The following CNTRL variants were observed in gnomAD, a reference collection of about 807,000 sequenced individuals.
CNTRL encodes the protein 110 kDa centrosomal protein.
A neutral mutation model predicts 303.7 loss-of-function variants in CNTRL; 233 were observed. The ratio of observed to expected loss-of-function variants is 0.77; its 90% CI spans 0.69 to 0.86. CNTRL has a LOEUF of 0.86. Among genes scored for constraint, CNTRL ranks in the 40% least tolerant of loss-of-function variants. The probability of loss-of-function intolerance (pLI) is 0.00; values close to 1 mark genes in which losing one functional copy is unlikely to be tolerated. For synonymous variants in CNTRL, 900 were observed against 922.2 expected (o/e 0.98, Z 0.44); for missense variants, 2,524 against 2,650.6 (o/e 0.95, Z 1.05).
intron 1 of CNTRL, among the ~76,000 whole-genome samples, chr9:121,075,567 C>T (rs1321637100): frequency 2.6e-5 from 4 of 152,174 alleles, no homozygotes; most frequent in Non-Finnish European, 4.4e-5. Context: ...CCGTTATATT[C>T]GTTAAGGGAC....
chr9:121,128,368 T>A (rs1401010091), intron 14 of CNTRL, among the ~76,000 whole-genome samples: 1 of 152,234 alleles, frequency 6.6e-6, no homozygotes, highest in Non-Finnish European at 1.5e-5. Context: ...CTCATTGTGG[T>A]TTTGATTTGC....
At chr9:121,124,958 A>AG (rs1180686226) in intron 13 of CNTRL, among the ~76,000 whole-genome samples, 1 of 150,360 alleles carries the variant, frequency 6.7e-6, no homozygotes, top group Non-Finnish European at 1.5e-5. Flanking sequence ...AAAAAAAAAA[A>AG]AGAGAGAGAT....
chr9:121,125,764 T>C lies in CNTRL; in HGVS notation c.1853T>C (p.Ile618Thr), dbSNP rs755863709. Reference sequence around the variant, plus strand: ...CTGAAGAAGGATTTAGAAGGTGTTATCAGTGGGTTGCAAGAATACCTGGGG... The same window carrying C: ...CTGAAGAAGGATTTAGAAGGTGTTACCAGTGGGTTGCAAGAATACCTGGGG... ...EALKKDLEGV[I>T]SGLQEYLGTI... The change falls in exon 14 of 44, where the codon ATC (isoleucine) becomes ACC (threonine). Residue 618 changes from isoleucine (I) to threonine (T), a missense_variant. Transcript: ENST00000373855. The C allele has an allele frequency of 3.1e-6, 5 of 1,614,180 alleles. No individual in the cohort carries two copies. The highest frequency in any genetic ancestry group is 2.2e-5 in the South Asian group (2 of 91,086).
chr9:121,114,650 A>G (rs1167422821), intron 10 of CNTRL, among the ~76,000 whole-genome samples: 3 of 152,176 alleles, frequency 2.0e-5, no homozygotes, highest in African/African-American at 4.8e-5. Context: ...AACAGCTGGG[A>G]GAGAGAGCTC....
At chr9:121,157,907 A>T (rs757899522) in intron 29 of CNTRL, 27 bp downstream of exon 29, 2 of 1,613,692 alleles carry the variant, frequency 1.2e-6, no homozygotes, top group African/African-American at 2.7e-5. Flanking sequence ...TAGGGCTACA[A>T]GGGGTTTGTG....
In CNTRL at chr9:121,169,679, G is replaced by C. The variant is rs771868746; in HGVS notation, c.6139G>C (p.Glu2047Gln). Residue 2047 changes from glutamate (E) to glutamine (Q), a missense_variant, in exon 39 of 44, where the codon GAG (glutamate) becomes CAG (glutamine). Coordinates refer to ENST00000373855, the MANE Select transcript of CNTRL (RefSeq NM_007018.6). ...KSGELLALQK[E>Q]ADSMRADFSL... ...AGGTGAGCTGTTGGCCCTCCAGAAA[G>C]AGGCAGATTCTATGAGGGCAGACTT... is the stretch of plus-strand genomic sequence containing the variant. The C allele has an allele frequency of 6.2e-7, 1 of 1,614,196 alleles. No individual in the cohort carries two copies. Among genetic ancestry groups the C allele is most frequent in the Admixed American group, 1.7e-5 (1 of 60,020 alleles).
At chr9:121,091,293 C>G (rs1412858468) in intron 4 of CNTRL, among the ~76,000 whole-genome samples, 1 of 152,164 alleles carries the variant, frequency 6.6e-6, no homozygotes. Flanking sequence ...AGATTTCTAC[C>G]ACGTATTATT....
In CNTRL at chr9:121,107,920, A is replaced by G. The variant is rs1458371655; in HGVS notation, c.927A>G (p.Ser309=). The G allele has an allele frequency of 6.2e-7, 1 of 1,611,258 alleles. No homozygotes were observed. The highest frequency in any genetic ancestry group is 2.2e-5 in the East Asian group (1 of 44,752). Residue 309 remains serine (S), a synonymous_variant, in exon 8 of 44, where the codon TCA becomes TCG. Transcript: ENST00000373855. ...EIKNQDKLNK[S]LKEEAMLQKQ... is the part of the protein sequence containing the mutation. ...AAAATCAAGATAAATTGAATAAATCATTAAAAGAGGAGGCCATGTTACAGA... is the reference window on the plus strand; with the variant it reads ...AAAATCAAGATAAATTGAATAAATCGTTAAAAGAGGAGGCCATGTTACAGA...
rs7857779 is a variant in CNTRL at position 121,129,769 on chromosome 9, G to C, written c.2025+3833G>C. On this transcript the variant is annotated intron_variant, in intron 14 of 43. Coordinates refer to ENST00000373855, the MANE Select transcript of CNTRL (RefSeq NM_007018.6). ...CCATTCAGTATGATATTGGCTGTGG[G>C]TTTGTCATAAATAGCTCTTATTATT... 8.4e-4 allele frequency among the ~76,000 whole-genome samples: 128 copies of C among 152,076 alleles called. 3 individuals carry two copies. The East Asian group carries it at 0.022, about 26-fold the overall frequency.
intron 32 of CNTRL, chr9:121,161,282 G>A: frequency 2.2e-6 from 1 of 444,746 alleles, no homozygotes; most frequent in Non-Finnish European, 4.2e-6. Context: ...GTATTTTCCA[G>A]CTTTTCTACA....
chr9:121,154,810 T>C lies in CNTRL; in HGVS notation c.4262T>C (p.Ile1421Thr). 6.2e-7 allele frequency: 1 copy of C among 1,613,482 alleles called. No individual in the cohort carries two copies. Residue 1421 changes from isoleucine (I) to threonine (T), a missense_variant, in exon 27 of 44, where the codon ATT (isoleucine) becomes ACT (threonine). Ile to Thr is a moderately conservative substitution (Grantham distance 89). Transcript: ENST00000373855. The part of the protein sequence containing the change: ...LKHHEDIVDE[I>T]ECIEKTLLKR... The stretch of plus-strand genomic sequence containing the variant: ...CATCATGAAGATATTGTAGATGAAA[T>C]TGAGTGCATTGAGAAGACTCTTCTG...
chr9:121,117,745 C>T (rs942855823), intron 11 of CNTRL, among the ~76,000 whole-genome samples: 39 of 151,928 alleles, frequency 2.6e-4, no homozygotes, highest in African/African-American at 9.4e-4. Flanking sequence ...TTTGGGAGGC[C>T]GAGACGGGTG....
At chr9:121,076,493 T>C (rs1287136972) in intron 1 of CNTRL, among the ~76,000 whole-genome samples, 1 of 151,790 alleles carries the variant, frequency 6.6e-6, no homozygotes, top group East Asian at 1.9e-4. Flanking sequence ...AGGGGAGTAA[T>C]TGGAGGTCAG....
At chr9:121,144,353 G>A (rs185124588) in intron 20 of CNTRL, among the ~76,000 whole-genome samples, 205 of 152,274 alleles carry the variant, frequency 1.3e-3, no homozygotes, top group Non-Finnish European at 2.2e-3. Context: ...GGATGCTTAG[G>A]GAGGTAGCTG....
intron 27 of CNTRL, among the ~76,000 whole-genome samples, chr9:121,157,225 T>G (rs1049345310): frequency 6.6e-6 from 1 of 152,372 alleles, no homozygotes; most frequent in African/African-American, 2.4e-5. Context: ...TATTCCACTT[T>G]GTTAATGCAT....
Position 121,088,315 on chromosome 9 carries a change from T to C in CNTRL, c.-12T>C. The stretch of plus-strand genomic sequence containing the variant: ...TTACAGGTTTTGATGAACACCTGGC[T>C]TTATTCTTGCAATGAAGAAAGGTTC... On this transcript the variant is annotated 5_prime_UTR_variant, in exon 3 of 44. Transcript: ENST00000373855. 1 of 1,566,480 alleles carries C rather than the reference T, an allele frequency of 6.4e-7. No individual in the cohort carries two copies. Among genetic ancestry groups the C allele is most frequent in the Non-Finnish European group, 8.8e-7 (1 of 1,137,626 alleles).
At position 121,118,398 on chromosome 9, in the gene CNTRL, A is replaced by C; in HGVS notation, c.1508A>C (p.Gln503Pro). 6.2e-7 allele frequency: 1 copy of C among 1,612,206 alleles called. No individual in the cohort carries two copies. Among genetic ancestry groups the C allele is most frequent in the Non-Finnish European group, 8.5e-7 (1 of 1,178,972 alleles). Residue 503 changes from glutamine to proline, a missense_variant, in exon 12 of 44, where the codon CAA becomes CCA. Transcript: ENST00000373855. ...TACAAGCAGTTGAGTGGTAGACTAC[A>C]ACTTGTAAATAAATTACGCCAGGAA... is the stretch of plus-strand genomic sequence containing the variant. The part of the protein sequence containing the change: ...LLYKQLSGRL[Q>P]LVNKLRQEAL...
intron 12 of CNTRL, among the ~76,000 whole-genome samples, chr9:121,123,641 T>C (rs2050356243): frequency 6.6e-6 from 1 of 151,938 alleles, no homozygotes; most frequent in African/African-American, 2.4e-5. Context: ...AGAGAGACAA[T>C]TTAATGCAAC....
chr9:121,128,124 T>G (rs2050641126), intron 14 of CNTRL, among the ~76,000 whole-genome samples: 1 of 152,222 alleles, frequency 6.6e-6, no homozygotes, highest in Admixed American at 6.5e-5. Flanking sequence ...TGTGTCTTTA[T>G]AGTAGCATGA....
Sources: allele counts gnomAD v4.1 joint callset (sites outside exome capture counted in the v4.1 genomes callset), GRCh38; gene constraint gnomAD v4.1.1; transcripts MANE v1.5; gene names NCBI Gene and HGNC (gene_info 2026-07-23, HGNC 2026-07-21).